SPTA1: variants seen among roughly 807,000 people sequenced by gnomAD.
SPTA1 encodes spectrin alpha chain, erythrocytic 1.
SPTA1 carries 177 observed loss-of-function variants against 324.7 expected under a neutral mutation model. That is an observed-to-expected ratio of 0.55 (90% CI 0.48 to 0.62). The LOEUF (loss-of-function observed/expected upper bound fraction) is 0.62. Ranked by LOEUF, SPTA1 falls within the 20% of genes least tolerant of loss-of-function variation. The pLI, the probability that SPTA1 is intolerant of heterozygous loss-of-function variation, is 0.00. For missense variants in SPTA1, 3,162 were observed against 2,883.6 expected (o/e 1.10, Z -2.21); for synonymous variants, 1,195 against 1,041.3 (o/e 1.15, Z -2.84).
In SPTA1 at chr1:158,615,212, A is replaced by G. The variant is rs1451224875; in HGVS notation, c.6788+4T>C. 1.1e-5 allele frequency: 18 copies of G among 1,612,828 alleles called. No homozygotes were observed. The highest frequency in any genetic ancestry group is 1.4e-5 in the Non-Finnish European group (17 of 1,179,988). On this transcript the variant is annotated splice_donor_region_variant and intron_variant, in intron 48 of 51. Transcript: ENST00000643759. Reference sequence around the variant, plus strand: ...TCCCTGCTCTGGCCACACGCCCTCAATACTTGGCCTGGATCTGTTGCTCCA... The same window carrying G: ...TCCCTGCTCTGGCCACACGCCCTCAGTACTTGGCCTGGATCTGTTGCTCCA...
intron 6 of SPTA1, 110 bp downstream of exon 6, chr1:158,678,291 T>C: frequency 2.7e-6 from 4 of 1,458,372 alleles, no homozygotes; most frequent in Non-Finnish European, 2.9e-6. Flanking sequence ...CCACTTTTGT[T>C]TGAAGTGTTG....
chr1:158,642,607 TG>T lies in SPTA1; in HGVS notation c.4606-66del, dbSNP rs1472240443. 2.5e-6 allele frequency: 4 copies of T among 1,604,904 alleles called. No homozygotes were observed. In the African/African-American group the frequency reaches 5.4e-5, roughly 22 times the overall value. On this transcript the variant is annotated intron_variant, in intron 32 of 51. Transcript: ENST00000643759. ...TTTATGGTGACAAGATAAGGTAAAT[TG>T]TATTTAAAAGGAAGGGCTAATATTT...
rs202169454 is a variant in SPTA1, at chr1:158,619,300, C to A, written c.6452G>T (p.Arg2151Ile). The part of the protein sequence containing the change: ...REQELQKEEA[R>I]QVKNFEMCQE... ...ACACATCTCAAAGTTCTTGACCTGT[C>A]TTGCCTCTTCCTTTTGCAGCTCCTG... is the stretch of plus-strand genomic sequence containing the variant. The change falls in exon 45 of 52, where the codon AGA (arginine) becomes ATA (isoleucine). Residue 2151 changes from arginine (R) to isoleucine (I), a missense_variant. By Grantham distance (97) the Arg-to-Ile change is moderately conservative (BLOSUM62 -3). Transcript: ENST00000643759. 5 of 1,614,038 alleles carry A rather than the reference C, an allele frequency of 3.1e-6. No homozygotes were observed. In the African/African-American group the frequency reaches 5.3e-5, roughly 17 times the overall value.
intron 38 of SPTA1, among the ~76,000 whole-genome samples, chr1:158,634,972 G>A (rs1299273316): frequency 3.3e-5 from 5 of 152,216 alleles, no homozygotes; most frequent in Non-Finnish European, 7.3e-5. Context: ...GATGACTTCA[G>A]TGTTGGAGAA....
Position 158,666,468 on chromosome 1 carries a change from G to A in SPTA1, c.2068C>T (p.Leu690=). 1 of 1,610,938 alleles carries A rather than the reference G, an allele frequency of 6.2e-7. No homozygotes were observed. The highest frequency in any genetic ancestry group is 8.5e-7 in the Non-Finnish European group (1 of 1,179,962). The part of the protein sequence containing the change: ...GTQLHEANQQ[L]QFENNAEDLQ... ...TCTTCTGCATTATTTTCAAATTGCA[G>A]CTGCTGGTTGGCCTCATGCAACTGG... is the stretch of plus-strand genomic sequence containing the variant. Residue 690 remains leucine (L), a synonymous_variant, in exon 16 of 52, where the codon CTG becomes TTG. Coordinates refer to ENST00000643759, the MANE Select transcript of SPTA1 (RefSeq NM_003126.4).
intron 7 of SPTA1, 101 bp from the exon 8 acceptor site, chr1:158,676,396 AT>A: frequency 7.8e-7 from 1 of 1,275,522 alleles, no homozygotes; most frequent in Non-Finnish European, 1.1e-6. Flanking sequence ...AATAATAATA[AT>A]TTAGAAATCG....
At chr1:158,639,451 T>C in intron 35 of SPTA1, 131 bp downstream of exon 35, 1 of 885,054 alleles carries the variant, frequency 1.1e-6, no homozygotes, top group Non-Finnish European at 1.9e-6. Context: ...CTAATTAAAA[T>C]GACTGCTGGT....
intron 17 of SPTA1, 144 bp from the exon 18 acceptor site, chr1:158,661,553 T>C: frequency 9.3e-7 from 1 of 1,074,380 alleles, no homozygotes; most frequent in South Asian, 1.4e-5. Context: ...TTATATCATC[T>C]GTCTGATTTC....
chr1:158,673,633 C>T (rs917584967), intron 10 of SPTA1, among the ~76,000 whole-genome samples: 3 of 152,212 alleles, frequency 2.0e-5, no homozygotes, highest in African/African-American at 7.2e-5. Context: ...GTACTAGGCA[C>T]TGTGGGGAAC....
Position 158,632,630 on chromosome 1 carries a change from T to C in SPTA1, c.5565+1913A>G, listed in dbSNP as rs189341600. Among the ~76,000 whole-genome samples, 7 of 152,296 alleles carry C rather than the reference T, an allele frequency of 4.6e-5. No homozygotes were observed. The East Asian group carries it at 1.2e-3, about 25-fold the overall frequency. On this transcript the variant is annotated intron_variant, in intron 39 of 51. Transcript: ENST00000643759. ...AGGTATCACTATATATCTATGTGAA[T>C]GACTAAAATAAAAGTAGTGACAACA...
At chr1:158,654,348 A>T (rs991158517) in intron 21 of SPTA1, among the ~76,000 whole-genome samples, 1 of 152,178 alleles carries the variant, frequency 6.6e-6, no homozygotes, top group African/African-American at 2.4e-5. Flanking sequence ...ATTTCCACTC[A>T]TACTTTCTAT....
In SPTA1 at chr1:158,672,092, A is replaced by T. The variant is rs759314094; in HGVS notation, c.1455T>A (p.Ser485Arg). The T allele has an allele frequency of 5.0e-6, 8 of 1,614,034 alleles. No individual in the cohort carries two copies. The highest frequency in any genetic ancestry group is 3.3e-5 in the South Asian group (3 of 91,082). ...TACTCATCCAACTGTCCACTTGCTC[A>T]CTGTCTCTGTAGAAGAGATGAAAGT... The part of the protein sequence containing the change: ...CLDFHLFYRD[S>R]EQVDSWMSRQ... The change falls in exon 11 of 52, where the codon AGT (serine) becomes AGA (arginine). Residue 485 changes from serine (S) to arginine (R), a missense_variant. Coordinates refer to ENST00000643759, the MANE Select transcript of SPTA1 (RefSeq NM_003126.4).
rs367688778 is a variant in SPTA1, at chr1:158,623,172, C to A, written c.5931G>T (p.Leu1977=). The A allele has an allele frequency of 6.3e-5, 101 of 1,613,996 alleles. No individual in the cohort carries two copies. The highest frequency in any genetic ancestry group is 7.0e-5 in the Non-Finnish European group (83 of 1,180,018). The change falls in exon 43 of 52, where the codon CTG becomes CTT. Residue 1977 remains leucine (L), a synonymous_variant. Coordinates refer to ENST00000643759, the MANE Select transcript of SPTA1 (RefSeq NM_003126.4). ...GAAGTCTCTCTTGCTGGAAACTCTG[C>A]AGACTGGCATCCAGAGTGTCCTGAG... ...LAKQDTLDAS[L]QSFQQERLPE... is the part of the protein sequence containing the mutation.
At position 158,642,511 on chromosome 1, in the gene SPTA1, T is replaced by G; in HGVS notation, c.4637A>C (p.His1546Pro). 6.2e-7 allele frequency: 1 copy of G among 1,613,574 alleles called. No homozygotes were observed. The highest frequency in any genetic ancestry group is 8.5e-7 in the Non-Finnish European group (1 of 1,179,652). ...RKYLKHQTFA[H>P]EVDGRSEQVH... ...CTGCTCAGATCGGCCATCGACTTCATGTGCAAAGGTCTGGTGTTTCAGGTA... is the reference window on the plus strand; with the variant it reads ...CTGCTCAGATCGGCCATCGACTTCAGGTGCAAAGGTCTGGTGTTTCAGGTA... Residue 1546 changes from histidine (H) to proline (P), a missense_variant, in exon 33 of 52, where the codon CAT becomes CCT. Transcript: ENST00000643759.
intron 47 of SPTA1, among the ~76,000 whole-genome samples, chr1:158,615,830 A>C (rs1036047822): frequency 6.6e-6 from 1 of 152,238 alleles, no homozygotes; most frequent in East Asian, 1.9e-4. Context: ...ACTTATCTGC[A>C]ACACTGATTG....
chr1:158,631,998 G>C (rs1421439905), intron 39 of SPTA1, among the ~76,000 whole-genome samples: 2 of 152,092 alleles, frequency 1.3e-5, no homozygotes. Flanking sequence ...GCATCCATAT[G>C]TTCATTGCAG....
chr1:158,629,399 G>A (rs1210212727), intron 39 of SPTA1, among the ~76,000 whole-genome samples: 1 of 151,788 alleles, frequency 6.6e-6, no homozygotes, highest in Admixed American at 6.6e-5. Context: ...ATCAATAAAT[G>A]TGATACAACA....
At position 158,662,916 on chromosome 1, in the gene SPTA1, A is replaced by G; in HGVS notation, c.2250T>C (p.Ala750=). ...GATGGCCTATTTCTTCAAAATATGC[A>G]GCCAGGTCTGTAAGGATATCCACCT... The part of the protein sequence containing the change: ...QDQVDILTDL[A]AYFEEIGHPD... The change falls in exon 17 of 52, where the codon GCT becomes GCC. Residue 750 remains alanine, a synonymous_variant. Coordinates refer to ENST00000643759, the MANE Select transcript of SPTA1 (RefSeq NM_003126.4). The G allele has an allele frequency of 1.2e-6, 2 of 1,614,102 alleles. No homozygotes were observed. Among genetic ancestry groups the G allele is most frequent in the Non-Finnish European group, 1.7e-6 (2 of 1,179,960 alleles).
intron 3 of SPTA1, among the ~76,000 whole-genome samples, chr1:158,681,963 A>G (rs1236148532): frequency 1.3e-5 from 2 of 152,206 alleles, no homozygotes; most frequent in Non-Finnish European, 2.9e-5. Flanking sequence ...AAAAGTGTTC[A>G]TTTGAACTGA....
Sources: allele counts gnomAD v4.1 joint callset (sites outside exome capture counted in the v4.1 genomes callset), GRCh38; gene constraint gnomAD v4.1.1; transcripts MANE v1.5; gene names NCBI Gene and HGNC (gene_info 2026-07-23, HGNC 2026-07-21).